ABI3: variants seen among roughly 807,000 people sequenced by gnomAD.
ABI3 encodes ABI family member 3, also known as ABI gene family member 3.
In ABI3, 24 loss-of-function variants were observed where a neutral mutation model predicts 37.0. The ratio of observed to expected loss-of-function variants is 0.65; its 90% CI spans 0.47 to 0.91. The LOEUF is 0.91. ABI3 is among the 40% of genes least tolerant of loss of function. ABI3 has a pLI of 0.00. For synonymous variants in ABI3, 220 were observed against 211.8 expected, an observed-to-expected ratio of 1.04 and a Z score of -0.34; for missense variants, 481 against 485.1, an observed-to-expected ratio of 0.99 and a Z score of 0.08.
At position 49,219,633 on chromosome 17, in the gene ABI3, C is replaced by T. The variant is rs1216340364; in HGVS notation, c.548+8C>T. On this transcript the variant is annotated splice_region_variant and intron_variant, in intron 4 of 7. Coordinates refer to ENST00000225941, the MANE Select transcript of ABI3 (RefSeq NM_016428.3). The surrounding 1 kb of genome is among the most constrained non-coding windows in gnomAD (Gnocchi z 4.3). ...CGCCTCCGCCACCTTGGGGTGAGGC[C>T]TCGCCGCGACGCCAACTAGCCTAGC... 6.3e-7 allele frequency: 1 copy of T among 1,593,758 alleles called. No individual in the cohort carries two copies. Among genetic ancestry groups the T allele is most frequent in the Non-Finnish European group, 8.5e-7 (1 of 1,169,966 alleles).
rs893261200 is a variant in ABI3, at chr17:49,219,147, G to A, written c.463-393G>A. ...TTCCACAAATCTTCGAAAATGAAAG[G>A]TGGGACACTTCTAAGTGTGATGTGT... On this transcript the variant is annotated intron_variant, in intron 3 of 7. Transcript: ENST00000225941. The surrounding 1 kb of genome is among the most constrained non-coding windows in gnomAD (Gnocchi z 4.3). 2.0e-5 allele frequency among the ~76,000 whole-genome samples: 3 copies of A among 152,112 alleles called. No individual in the cohort carries two copies. Among genetic ancestry groups the A allele is most frequent in the Non-Finnish European group, 4.4e-5 (3 of 68,028 alleles).
rs2043254526 is a variant in ABI3, at chr17:49,219,378, G to A, written c.463-162G>A. On this transcript the variant is annotated intron_variant, in intron 3 of 7. Coordinates refer to ENST00000225941, the MANE Select transcript of ABI3 (RefSeq NM_016428.3). The surrounding 1 kb of genome is among the most constrained non-coding windows in gnomAD (Gnocchi z 4.3). ...CAGGCAATGACAAGGGGGTGGGGTG[G>A]GGGAAGTGTAGGAGAGGGGCCTGAG... 6.6e-6 allele frequency among the ~76,000 whole-genome samples: 1 copy of A among 152,022 alleles called. No individual in the cohort carries two copies. The highest frequency in any genetic ancestry group is 2.1e-4 in the South Asian group (1 of 4,826).
At chr17:49,217,709 CT>C (rs749243211) in intron 2 of ABI3, 29 bp from the exon 3 acceptor site, 3 of 1,584,854 alleles carry the variant, frequency 1.9e-6, no homozygotes, top group South Asian at 1.1e-5. Flanking sequence ...CAGACCACCC[CT>C]CTCTGTCACC....
intron 6 of ABI3, among the ~76,000 whole-genome samples, chr17:49,221,613 C>A (rs2043289634): frequency 6.6e-6 from 1 of 152,252 alleles, no homozygotes; most frequent in African/African-American, 2.4e-5. Context: ...CCGTCCTCTA[C>A]TGCTGGATCT....
In ABI3 at chr17:49,216,693, G is replaced by A. The variant is rs2043222461; in HGVS notation, c.280G>A (p.Gly94Ser). ...GGTGGAAGCCCGTGTAAGCACGCTG[G>A]GCCAGGTAAGGGGCGTGGGGCGTGG... ...RQVEARVSTL[G>S]QMVNMHMEKV... Residue 94 changes from glycine to serine, a missense_variant, in exon 2 of 8, where the codon GGC becomes AGC. By Grantham distance (56) the Gly-to-Ser change is moderately conservative. Transcript: ENST00000225941. 7 of 1,559,758 alleles carry A rather than the reference G, an allele frequency of 4.5e-6. No individual in the cohort carries two copies. Among genetic ancestry groups the A allele is most frequent in the Non-Finnish European group, 6.1e-6 (7 of 1,151,750 alleles).
chr17:49,218,398 T>C (rs1476129265), intron 3 of ABI3, among the ~76,000 whole-genome samples: 1 of 152,176 alleles, frequency 6.6e-6, no homozygotes, highest in Non-Finnish European at 1.5e-5. Flanking sequence ...GCTGGCGTCT[T>C]CTCAGCCTAT....
At position 49,219,660 on chromosome 17, in the gene ABI3, C is replaced by A. The variant is rs1377074397; in HGVS notation, c.548+35C>A. 1 of 1,550,280 alleles carries A rather than the reference C, an allele frequency of 6.5e-7. No individual in the cohort carries two copies. The highest frequency in any genetic ancestry group is 8.8e-7 in the Non-Finnish European group (1 of 1,140,384). ...CGCCGCGACGCCAACTAGCCTAGCC[C>A]TGCCCCGCGCGACCCTGAAACTCTC... On this transcript the variant is annotated intron_variant, in intron 4 of 7. Transcript: ENST00000225941. This position sits in a 1 kb window ranked among gnomAD's most constrained non-coding sequence, Gnocchi z 4.3.
intron 1 of ABI3, among the ~76,000 whole-genome samples, chr17:49,215,829 C>T (rs2043212839): frequency 6.7e-6 from 1 of 150,258 alleles, no homozygotes; most frequent in Non-Finnish European, 1.5e-5. Flanking sequence ...GTCGGCTGGG[C>T]ACGGTGGCTC....
chr17:49,217,979 C>CT, intron 3 of ABI3, 64 bp downstream of exon 3: 1 of 1,438,286 alleles, frequency 7.0e-7, no homozygotes, highest in East Asian at 2.7e-5. Flanking sequence ...GCCCCTTTCC[C>CT]TCCAGAACCC....
At chr17:49,212,759 T>C (rs952163348) in intron 1 of ABI3, among the ~76,000 whole-genome samples, 1 of 152,118 alleles carries the variant, frequency 6.6e-6, no homozygotes, top group African/African-American at 2.4e-5. Context: ...CAGAGCCCAC[T>C]CCCTATGCCA....
In ABI3 at chr17:49,219,796, G is replaced by A; in HGVS notation, c.549-62G>A. Reference sequence around the variant, plus strand: ...CCACCTGCCCTTCCTGCTCGCACCCGACCCCTGCTGGCCAGAAGCCTTCCT... The same window carrying A: ...CCACCTGCCCTTCCTGCTCGCACCCAACCCCTGCTGGCCAGAAGCCTTCCT... On this transcript the variant is annotated intron_variant, in intron 4 of 7. Coordinates refer to ENST00000225941, the MANE Select transcript of ABI3 (RefSeq NM_016428.3). This position sits in a 1 kb window ranked among gnomAD's most constrained non-coding sequence, Gnocchi z 4.3. 4 of 1,501,908 alleles carry A rather than the reference G, an allele frequency of 2.7e-6. No homozygotes were observed. The highest frequency in any genetic ancestry group is 1.7e-4 in the Middle Eastern group (1 of 5,776). 93.0% of individuals were successfully genotyped at this position (1,501,908 alleles called of 1,614,324 possible).
Position 49,210,861 on chromosome 17 carries a change from GC to G in ABI3, c.117+22del. The G allele has an allele frequency of 6.5e-7, 1 of 1,536,696 alleles. No individual in the cohort carries two copies. Among genetic ancestry groups the G allele is most frequent in the Non-Finnish European group, 8.8e-7 (1 of 1,134,168 alleles). On this transcript the variant is annotated intron_variant, in intron 1 of 7. Transcript: ENST00000225941. This position sits in a 1 kb window ranked among gnomAD's most constrained non-coding sequence, Gnocchi z 4.2. ...GTGCAGGTAGGTAGAGCGGGCGGAA[GC>G]CTGACACCCCAGCCCCCGGAGGGGG...
At position 49,219,860 on chromosome 17, in the gene ABI3, G is replaced by C; in HGVS notation, c.551G>C (p.Arg184Thr). The C allele has an allele frequency of 1.3e-6, 2 of 1,542,956 alleles. No homozygotes were observed. The highest frequency in any genetic ancestry group is 1.7e-6 in the Non-Finnish European group (2 of 1,149,242). The change falls in exon 5 of 8, where the codon AGA (arginine) becomes ACA (threonine). Residue 184 changes from arginine (R) to threonine (T), a missense_variant and splice_region_variant. Arg to Thr is a moderately conservative substitution (Grantham distance 71). Coordinates refer to ENST00000225941, the MANE Select transcript of ABI3 (RefSeq NM_016428.3). The surrounding 1 kb of genome is among the most constrained non-coding windows in gnomAD (Gnocchi z 4.3). The stretch of plus-strand genomic sequence containing the variant: ...ACCCACTCCCTGCCCCCCGCCAGGA[G>C]ACCACCCCGGATTCCCGAGCCAGTG... The part of the protein sequence containing the change: ...PATPASATLG[R>T]PPRIPEPVHL...
rs1236084773 is a variant in ABI3, at chr17:49,217,858, C to T, written c.405C>T (p.Pro135=). Residue 135 remains proline (P), a synonymous_variant, in exon 3 of 8, where the codon CCC becomes CCT. Coordinates refer to ENST00000225941, the MANE Select transcript of ABI3 (RefSeq NM_016428.3). ...IAPENLPPLT[P]YCRRPLNFGC... ...CAGAGAACCTACCCCCTCTCACGCC[C>T]TACTGCAGGAGACCCCTCAACTTTG... The T allele has an allele frequency of 6.9e-6, 11 of 1,601,402 alleles. No homozygotes were observed. The highest frequency in any genetic ancestry group is 9.4e-6 in the Non-Finnish European group (11 of 1,174,750).
rs1283398179 is a variant in ABI3, at chr17:49,217,719, C to T, written c.286-20C>T. 1.3e-6 allele frequency: 2 copies of T among 1,599,558 alleles called. No individual in the cohort carries two copies. The highest frequency in any genetic ancestry group is 1.7e-6 in the Non-Finnish European group (2 of 1,173,974). ...GGACACAGACCACCCCTCTCTGTCACCTTGAACCCTGTCATGCAGATGGTG... is the reference window on the plus strand; with the variant it reads ...GGACACAGACCACCCCTCTCTGTCATCTTGAACCCTGTCATGCAGATGGTG... On this transcript the variant is annotated intron_variant, in intron 2 of 7. Coordinates refer to ENST00000225941, the MANE Select transcript of ABI3 (RefSeq NM_016428.3).
rs1428288351 is a variant in ABI3 at position 49,219,827 on chromosome 17, C to T, written c.549-31C>T. The T allele has an allele frequency of 6.5e-7, 1 of 1,535,172 alleles. No individual in the cohort carries two copies. Among genetic ancestry groups the T allele is most frequent in the Non-Finnish European group, 8.7e-7 (1 of 1,143,724 alleles). On this transcript the variant is annotated intron_variant, in intron 4 of 7. Coordinates refer to ENST00000225941, the MANE Select transcript of ABI3 (RefSeq NM_016428.3). This position sits in a 1 kb window ranked among gnomAD's most constrained non-coding sequence, Gnocchi z 4.3. ...TGCTGGCCAGAAGCCTTCCTCCTTC[C>T]TCCTAATACCCACTCCCTGCCCCCC...
rs878884592 is a variant in ABI3 at position 49,217,928 on chromosome 17, G to A, written c.462+13G>A. ...CCATGGGATCAAGGTAGAGAGAGGG[G>A]CCCTCCTCTTTCCCTCCAACCCACC... On this transcript the variant is annotated intron_variant, in intron 3 of 7. Transcript: ENST00000225941. 6.7e-7 allele frequency: 1 copy of A among 1,503,478 alleles called. No individual in the cohort carries two copies. The highest frequency in any genetic ancestry group is 2.7e-5 in the East Asian group (1 of 37,424). 93.1% of individuals were successfully genotyped at this position (1,503,478 alleles called of 1,614,324 possible). A position where few individuals can be genotyped will look rare whatever the true frequency, so the allele number is the denominator to read the frequency against.
At chr17:49,222,357 G>C (rs2043300750) in intron 7 of ABI3, 132 bp downstream of exon 7, 2 of 1,398,926 alleles carry the variant, frequency 1.4e-6, no homozygotes, top group Non-Finnish European at 1.9e-6. Flanking sequence ...CGAACTGACA[G>C]AACTGGGGAG....
At position 49,217,649 on chromosome 17, in the gene ABI3, C is replaced by G. The variant is rs368907877; in HGVS notation, c.286-90C>G. On this transcript the variant is annotated intron_variant, in intron 2 of 7. Coordinates refer to ENST00000225941, the MANE Select transcript of ABI3 (RefSeq NM_016428.3). ...TTTCTAGACCTGGCTGCCTCCCCCC[C>G]CCAGCCCAGTCTTTATCTTCTTCCT... 209 of 1,286,690 alleles carry G rather than the reference C, an allele frequency of 1.6e-4. 1 individual carries two copies. Among genetic ancestry groups the G allele is most frequent in the East Asian group, 2.5e-4 (9 of 35,332 alleles). 79.7% of individuals were successfully genotyped at this position (1,286,690 alleles called of 1,614,324 possible). A position where few individuals can be genotyped will look rare whatever the true frequency, so the allele number is the denominator to read the frequency against.
Sources: allele counts gnomAD v4.1 joint callset (sites outside exome capture counted in the v4.1 genomes callset), GRCh38; gene constraint gnomAD v4.1.1; non-coding constraint Gnocchi (gnomAD v3.1); transcripts MANE v1.5; gene names NCBI Gene and HGNC (gene_info 2026-07-23, HGNC 2026-07-21).